The following NEK11 variants were observed in gnomAD, a reference collection of about 807,000 sequenced individuals.
NEK11 encodes the protein NIMA related kinase 11, also known as serine/threonine-protein kinase Nek11.
NEK11 carries 72 observed loss-of-function variants against 80.7 expected under a neutral mutation model. That is an observed-to-expected ratio of 0.89 (90% confidence interval 0.74 to 1.08). The LOEUF (loss-of-function observed/expected upper bound fraction) is 1.08. NEK11 is among the 50% of genes least tolerant of loss of function. NEK11 has a pLI of 0.00. For missense variants in NEK11, 764 were observed against 763.6 expected (o/e 1.00, Z -0.01); for synonymous variants, 251 against 260.7 (o/e 0.96, Z 0.36).
intron 3 of NEK11, among the ~76,000 whole-genome samples, chr3:131,056,934 T>A (rs1241516488): frequency 2.0e-5 from 3 of 151,838 alleles, no homozygotes; most frequent in Admixed American, 6.6e-5. Context: ...ATGTGCACAA[T>A]GTGCAGGTTA....
At chr3:131,186,914 T>A (rs1448039923) in intron 14 of NEK11, among the ~76,000 whole-genome samples, 2 of 152,234 alleles carry the variant, frequency 1.3e-5, no homozygotes, top group Non-Finnish European at 2.9e-5. Context: ...TTATCCACTC[T>A]ACCTCAAAGG....
At chr3:131,325,360 C>T (rs531128667) in intron 17 of NEK11, 35 of 143,454 alleles carry the variant, frequency 2.4e-4, no homozygotes, top group African/African-American at 8.5e-4. Flanking sequence ...CTAAGGGGTA[C>T]ATACTTGTGT....
intron 17 of NEK11, among the ~76,000 whole-genome samples, chr3:131,297,559 A>G (rs1298309205): frequency 6.6e-6 from 1 of 152,128 alleles, no homozygotes; most frequent in Non-Finnish European, 1.5e-5. Flanking sequence ...GATTCTGGAT[A>G]TTAGCCCTTT....
intron 14 of NEK11, among the ~76,000 whole-genome samples, chr3:131,183,073 AC>A (rs2093437253): frequency 6.6e-6 from 1 of 152,142 alleles, no homozygotes; most frequent in Non-Finnish European, 1.5e-5. Flanking sequence ...AACAGGACCA[AC>A]CTTTGTGTGT....
chr3:131,252,546 G>T (rs9813877), intron 16 of NEK11, among the ~76,000 whole-genome samples: 42,057 of 151,904 alleles, frequency 0.28, 7,290 homozygotes, highest in Middle Eastern at 0.45. Flanking sequence ...TGAGTGGACT[G>T]AATGAATGAG....
At chr3:131,246,641 G>T (rs905805892) in intron 16 of NEK11, among the ~76,000 whole-genome samples, 1 of 152,118 alleles carries the variant, frequency 6.6e-6, no homozygotes, top group Non-Finnish European at 1.5e-5. Context: ...TAATGGGATT[G>T]CTGGCTCAAA....
chr3:131,065,307 T>C (rs1250515956), intron 3 of NEK11, among the ~76,000 whole-genome samples: 3 of 152,208 alleles, frequency 2.0e-5, no homozygotes, highest in Non-Finnish European at 4.4e-5. Flanking sequence ...AAGGAAAACA[T>C]TCCTAGCACA....
At chr3:131,190,955 A>G (rs1297741723) in intron 14 of NEK11, among the ~76,000 whole-genome samples, 3 of 152,184 alleles carry the variant, frequency 2.0e-5, no homozygotes, top group South Asian at 2.1e-4. Context: ...CAGGAAATCA[A>G]TTAATAGTAT....
chr3:131,042,753 G>C (rs968905986), intron 3 of NEK11, among the ~76,000 whole-genome samples: 1 of 152,080 alleles, frequency 6.6e-6, no homozygotes, highest in Non-Finnish European at 1.5e-5. Flanking sequence ...CACAGCACTC[G>C]AGCTCTGCTA....
intron 14 of NEK11, among the ~76,000 whole-genome samples, chr3:131,172,407 T>C (rs1379565441): frequency 6.6e-6 from 1 of 152,252 alleles, no homozygotes; most frequent in Non-Finnish European, 1.5e-5. Flanking sequence ...ACTTGAAGTC[T>C]TCTTACTAGA....
chr3:131,321,970 C>G (rs1365105590), intron 17 of NEK11, among the ~76,000 whole-genome samples: 1 of 152,176 alleles, frequency 6.6e-6, no homozygotes, highest in Non-Finnish European at 1.5e-5. Flanking sequence ...ACCATTTGAC[C>G]TAGCAATCCC....
At chr3:131,334,232 A>C (rs959277824) in intron 17 of NEK11, among the ~76,000 whole-genome samples, 1 of 152,224 alleles carries the variant, frequency 6.6e-6, no homozygotes, top group African/African-American at 2.4e-5. Flanking sequence ...AGCTCTCCTC[A>C]GCAAATGTAA....
At chr3:131,182,950 A>T (rs2093430641) in intron 14 of NEK11, among the ~76,000 whole-genome samples, 1 of 152,128 alleles carries the variant, frequency 6.6e-6, no homozygotes, top group African/African-American at 2.4e-5. Flanking sequence ...ACCTCCCACA[A>T]ATCCATTTTA....
intron 14 of NEK11, among the ~76,000 whole-genome samples, chr3:131,173,162 C>T (rs1373717272): frequency 6.6e-6 from 1 of 152,184 alleles, no homozygotes; most frequent in Non-Finnish European, 1.5e-5. Flanking sequence ...TGCCACTGCT[C>T]TGCTCATGGA....
intron 3 of NEK11, among the ~76,000 whole-genome samples, chr3:131,072,901 C>A (rs532630597): frequency 6.6e-6 from 1 of 152,262 alleles, no homozygotes; most frequent in East Asian, 1.9e-4. Context: ...ACTGCCTGAA[C>A]AAATGCAGAC....
In NEK11 at chr3:131,329,721, A is replaced by G. The variant is rs150973158; in HGVS notation, c.1719-19836A>G. ...TTGAAGGTGATGAGGAGAGAAACAT[A>G]TGAATATCCAGAGAAAGAGCATTCT... is the stretch of plus-strand genomic sequence containing the variant. On this transcript the variant is annotated intron_variant, in intron 17 of 17. Transcript: ENST00000383366. The G allele has an allele frequency of 4.2e-3, 633 of 152,376 alleles. 6 individuals are homozygous for G. Among genetic ancestry groups the G allele is most frequent in the African/African-American group, 0.014 (602 of 41,570 alleles). 9.4% of individuals were successfully genotyped at this position (152,376 alleles called of 1,614,324 possible). A position where few individuals can be genotyped will look rare whatever the true frequency, so the allele number is the denominator to read the frequency against.
At chr3:131,028,846 G>T (rs2064345483) in intron 2 of NEK11, among the ~76,000 whole-genome samples, 1 of 151,532 alleles carries the variant, frequency 6.6e-6, no homozygotes, top group South Asian at 2.1e-4. Flanking sequence ...GAGCCACTGC[G>T]CCCGGCCTAA....
At chr3:131,234,154 G>C (rs952569774) in intron 15 of NEK11, among the ~76,000 whole-genome samples, 1 of 152,156 alleles carries the variant, frequency 6.6e-6, no homozygotes, top group Non-Finnish European at 1.5e-5. Flanking sequence ...CTATGTACAA[G>C]GCAAAATTTA....
intron 3 of NEK11, among the ~76,000 whole-genome samples, chr3:131,075,879 A>C (rs936933699): frequency 6.6e-6 from 1 of 152,224 alleles, no homozygotes; most frequent in Admixed American, 6.5e-5. Flanking sequence ...CAGATAGTTC[A>C]TAGCAGTGGT....
Sources: allele counts gnomAD v4.1 joint callset (sites outside exome capture counted in the v4.1 genomes callset), GRCh38; gene constraint gnomAD v4.1.1; transcripts MANE v1.5; gene names NCBI Gene and HGNC (gene_info 2026-07-23, HGNC 2026-07-21).